Variants in FLNB observed in about 807,000 individuals in gnomAD.
The protein encoded by FLNB is filamin B.
FLNB carries 111 observed loss-of-function variants against 250.6 expected under a neutral mutation model. The ratio of observed to expected loss-of-function variants is 0.44; its 90% CI spans 0.38 to 0.52. The LOEUF is 0.52. FLNB is among the 20% of genes least tolerant of loss of function. The pLI is 0.00. For synonymous variants in FLNB, 1,302 were observed against 1,372.1 expected (o/e 0.95, Z 1.13); for missense variants, 2,869 against 3,447.8 (o/e 0.83, Z 4.20).
In FLNB at chr3:58,171,352, TACAGAA is replaced by T. The variant is rs1223916321; in HGVS notation, c.*593_*598del. 1 of 154,940 alleles carries T rather than the reference TACAGAA, an allele frequency of 6.5e-6. No individual in the cohort carries two copies. The highest frequency in any genetic ancestry group is 2.4e-5 in the African/African-American group (1 of 41,434). The allele number at this position is 154,940 out of a possible 1,614,324, so 9.6% of individuals were successfully genotyped here. A position where few individuals can be genotyped will look rare whatever the true frequency, so the allele number is the denominator to read the frequency against. On this transcript the variant is annotated 3_prime_UTR_variant, in exon 46 of 46. Coordinates refer to ENST00000295956, the MANE Select transcript of FLNB (RefSeq NM_001457.4). The surrounding 1 kb of genome is among the most constrained non-coding windows in gnomAD (Gnocchi z 5.5). ...AGGGCAGAGTGGCAGCCGGGCACCC[TACAGAA>T]ACTCAGAGGGCAGAGTGGCAGCCAG...
chr3:58,167,952 T>C (rs2097373693), intron 43 of FLNB, among the ~76,000 whole-genome samples: 1 of 152,104 alleles, frequency 6.6e-6, no homozygotes, highest in South Asian at 2.1e-4. Flanking sequence ...CTGCACCCGG[T>C]CTGCAGCACA....
At chr3:58,018,748 C>A (rs1362471539) in intron 1 of FLNB, among the ~76,000 whole-genome samples, 1 of 152,018 alleles carries the variant, frequency 6.6e-6, no homozygotes, top group Non-Finnish European at 1.5e-5. Flanking sequence ...GAACTCCCAA[C>A]CTCAGGTAAT....
chr3:58,140,270 C>T (rs1172172894), intron 29 of FLNB, among the ~76,000 whole-genome samples: 1 of 152,230 alleles, frequency 6.6e-6, no homozygotes, highest in Non-Finnish European at 1.5e-5. Flanking sequence ...TACTCACACA[C>T]AGCACATGGA....
chr3:58,027,490 C>A (rs1343003290), intron 1 of FLNB, among the ~76,000 whole-genome samples: 1 of 152,014 alleles, frequency 6.6e-6, no homozygotes, highest in South Asian at 2.1e-4. Flanking sequence ...CCATGTTGGC[C>A]AGGCTGGCTT....
At chr3:58,012,277 G>A (rs1018925866) in intron 1 of FLNB, among the ~76,000 whole-genome samples, 1 of 151,808 alleles carries the variant, frequency 6.6e-6, no homozygotes, top group African/African-American at 2.4e-5. Flanking sequence ...TCAAAATTAG[G>A]GGAGAACAGC....
chr3:58,057,718 G>T (rs1351794062), intron 1 of FLNB, among the ~76,000 whole-genome samples: 1 of 152,182 alleles, frequency 6.6e-6, no homozygotes, highest in Non-Finnish European at 1.5e-5. Flanking sequence ...ATTAGTGGTT[G>T]TTGGGTTAGG....
rs1442722194 is a variant in FLNB at position 58,148,371 on chromosome 3, T to G, written c.5887+7T>G. 1 of 1,612,700 alleles carries G rather than the reference T, an allele frequency of 6.2e-7. No homozygotes were observed. Among genetic ancestry groups the G allele is most frequent in the Non-Finnish European group, 8.5e-7 (1 of 1,179,496 alleles). On this transcript the variant is annotated splice_region_variant and intron_variant, in intron 35 of 45. Coordinates refer to ENST00000295956, the MANE Select transcript of FLNB (RefSeq NM_001457.4). ...CTGCCCAACAACCACATTGGTGAGC[T>G]AGGCTACCCTTCCTGGCTGGAGCCA...
chr3:58,108,332 T>C (rs1400539958), intron 12 of FLNB, 126 bp from the exon 13 acceptor site: 3 of 715,594 alleles, frequency 4.2e-6, no homozygotes, highest in East Asian at 2.7e-5. Flanking sequence ...CAACCTCTTA[T>C]GTGGATACTG....
chr3:58,112,348 G>A (rs1346023741), intron 18 of FLNB, 30 bp downstream of exon 18: 3 of 1,609,196 alleles, frequency 1.9e-6, no homozygotes, highest in Middle Eastern at 2.1e-4. Context: ...TGCTCCCCTG[G>A]CCCCCAGCCA....
chr3:58,104,124 G>A lies in FLNB; in HGVS notation c.1610+39G>A, dbSNP rs1522385. 450,290 of 1,610,032 alleles carry A rather than the reference G, an allele frequency of 0.28. 68,637 individuals carry two copies. The highest frequency in any genetic ancestry group is 0.36 in the Middle Eastern group (1,868 of 5,206). Reference sequence around the variant, plus strand: ...TGCAGAGGGGTCTTCTCTGGAGGGTGCTCGGCCCAGGGCGGACTCATGGGT... The same window carrying A: ...TGCAGAGGGGTCTTCTCTGGAGGGTACTCGGCCCAGGGCGGACTCATGGGT... On this transcript the variant is annotated intron_variant, in intron 10 of 45. Transcript: ENST00000295956.
intron 15 of FLNB, 54 bp from the exon 16 acceptor site, chr3:58,109,956 G>C: frequency 6.2e-7 from 1 of 1,604,630 alleles, no homozygotes; most frequent in Non-Finnish European, 8.5e-7. Flanking sequence ...GGAAGAGATT[G>C]CACAGGACAT....
intron 29 of FLNB, among the ~76,000 whole-genome samples, chr3:58,140,548 C>T (rs139598082): frequency 3.6e-4 from 55 of 152,248 alleles, no homozygotes; most frequent in African/African-American, 1.2e-3. Flanking sequence ...TTTCTTATGG[C>T]GGAAGAGGGT....
intron 1 of FLNB, 55 bp downstream of exon 1, chr3:58,008,911 C>T: frequency 6.3e-7 from 1 of 1,599,718 alleles, no homozygotes; most frequent in Non-Finnish European, 8.6e-7. Flanking sequence ...CGCCCCCGCG[C>T]GTGCACCCCT....
intron 11 of FLNB, 108 bp downstream of exon 11, chr3:58,105,324 C>T (rs2097257895): frequency 7.0e-7 from 1 of 1,426,906 alleles, no homozygotes; most frequent in Non-Finnish European, 9.8e-7. Flanking sequence ...ATACCTTTAG[C>T]TTCCTGGCCT....
chr3:58,008,462 A>G lies in FLNB; in HGVS notation c.-103A>G, dbSNP rs532390858. The G allele has an allele frequency of 4.1e-5, 57 of 1,398,434 alleles. No individual in the cohort carries two copies. The East Asian group carries it at 8.0e-4, about 20-fold the overall frequency. 86.6% of individuals were successfully genotyped at this position (1,398,434 alleles called of 1,614,324 possible). On this transcript the variant is annotated 5_prime_UTR_variant, in exon 1 of 46. Transcript: ENST00000295956. The stretch of plus-strand genomic sequence containing the variant: ...GTGGCTCCGGTAGCAGCAAGTTCGA[A>G]CCCCGCTCCCGCTCCGCTTCGGTTC...
intron 1 of FLNB, among the ~76,000 whole-genome samples, chr3:58,041,698 G>A (rs1435640709): frequency 6.6e-6 from 1 of 152,198 alleles, no homozygotes; most frequent in Admixed American, 6.5e-5. Flanking sequence ...CCTTGACCCA[G>A]GGTAAAGCAG....
Position 58,097,867 on chromosome 3 carries a change from G to A in FLNB, c.1037G>A (p.Ser346Asn). The change falls in exon 7 of 46, where the codon AGT (serine) becomes AAT (asparagine). Residue 346 changes from serine (S) to asparagine (N), a missense_variant. Around this residue, in one of 5 missense-constraint regions of FLNB, gnomAD observed 308 missense variants for 466.1 expected, o/e 0.66. Coordinates refer to ENST00000295956, the MANE Select transcript of FLNB (RefSeq NM_001457.4). ...ATCTCCAAGAGCCCATTTGAAGTGA[G>A]TGTTGACAAGGCCCAGGGAGATGCC... ...QHISKSPFEV[S>N]VDKAQGDASK... 6.2e-7 allele frequency: 1 copy of A among 1,614,162 alleles called. No individual in the cohort carries two copies. The highest frequency in any genetic ancestry group is 8.5e-7 in the Non-Finnish European group (1 of 1,180,020).
intron 33 of FLNB, 112 bp downstream of exon 33, chr3:58,146,161 C>G (rs2097335525): frequency 3.4e-6 from 4 of 1,192,812 alleles, no homozygotes. Flanking sequence ...TAGTATTTGT[C>G]TTGTCTTTTC....
At chr3:58,124,567 G>C in intron 22 of FLNB, 62 bp downstream of exon 22, 1 of 1,570,424 alleles carries the variant, frequency 6.4e-7, no homozygotes, top group East Asian at 2.3e-5. Context: ...ATTGCCTCCT[G>C]GTGGCTGGTA....
Sources: allele counts gnomAD v4.1 joint callset (sites outside exome capture counted in the v4.1 genomes callset), GRCh38; gene constraint gnomAD v4.1.1; regional missense constraint gnomAD v4.1.1; non-coding constraint Gnocchi (gnomAD v3.1); transcripts MANE v1.5; gene names NCBI Gene and HGNC (gene_info 2026-07-23, HGNC 2026-07-21).